Variants in STT3B observed in about 807,000 individuals in gnomAD.
The protein encoded by STT3B is dolichyl-diphosphooligosaccharide--protein glycosyltransferase subunit STT3B.
STT3B carries 29 observed loss-of-function variants against 96.8 expected under a neutral mutation model. That is an observed-to-expected ratio of 0.30 (90% CI 0.22 to 0.41). The LOEUF is 0.41. Ranked by LOEUF, STT3B falls within the 10% of genes least tolerant of loss-of-function variation. STT3B has a pLI of 1.00. For missense variants in STT3B, 640 were observed against 1,022.3 expected (o/e 0.63, Z 5.10); for synonymous variants, 367 against 360.0 (o/e 1.02, Z -0.22).
chr3:31,598,975 G>A (rs1698859174), intron 4 of STT3B, among the ~76,000 whole-genome samples: 1 of 151,736 alleles, frequency 6.6e-6, no homozygotes, highest in Non-Finnish European at 1.5e-5. Context: ...ATGCCTGGCT[G>A]ATTTTTGTAT....
intron 5 of STT3B, among the ~76,000 whole-genome samples, chr3:31,609,129 AG>A (rs1699125293): frequency 6.6e-6 from 1 of 152,150 alleles, no homozygotes; most frequent in Non-Finnish European, 1.5e-5. Flanking sequence ...AAGAAAGAAA[AG>A]GATGTGTTAA....
intron 6 of STT3B, among the ~76,000 whole-genome samples, 192 bp downstream of exon 6, chr3:31,615,395 G>GAA (rs1699283836): frequency 6.6e-6 from 1 of 151,804 alleles, no homozygotes; most frequent in Non-Finnish European, 1.5e-5. Context: ...TGACCCATTG[G>GAA]AAGTCTGTGG....
chr3:31,613,544 A>G (rs1699232398), intron 5 of STT3B, among the ~76,000 whole-genome samples: 1 of 152,020 alleles, frequency 6.6e-6, no homozygotes, highest in African/African-American at 2.4e-5. Flanking sequence ...GGGATCTACA[A>G]ATCTTGTCCA....
intron 5 of STT3B, among the ~76,000 whole-genome samples, chr3:31,607,012 C>A (rs1427644648): frequency 6.6e-6 from 1 of 152,138 alleles, no homozygotes; most frequent in African/African-American, 2.4e-5. Flanking sequence ...GATTTGACTG[C>A]CCTGCTGGAT....
chr3:31,618,158 GT>G (rs1699350718), intron 8 of STT3B, among the ~76,000 whole-genome samples, 170 bp downstream of exon 8: 1 of 152,014 alleles, frequency 6.6e-6, no homozygotes, highest in Non-Finnish European at 1.5e-5. Flanking sequence ...TATGATACCT[GT>G]TCTGAATGCA....
chr3:31,620,082 C>T, intron 9 of STT3B: 1 of 720,982 alleles, frequency 1.4e-6, no homozygotes, highest in Non-Finnish European at 2.0e-6. Flanking sequence ...CGAGACCAGC[C>T]TGGCCAACAT....
chr3:31,623,135 T>A (rs1204649424), intron 10 of STT3B, among the ~76,000 whole-genome samples: 1 of 152,184 alleles, frequency 6.6e-6, no homozygotes, highest in Non-Finnish European at 1.5e-5. Flanking sequence ...TGTGACTTTT[T>A]CTATTCTCTC....
intron 1 of STT3B, among the ~76,000 whole-genome samples, chr3:31,559,918 C>T (rs1559365599): frequency 6.6e-6 from 1 of 152,020 alleles, no homozygotes. Flanking sequence ...CTAGTTGAAT[C>T]CACTTATCAT....
intron 4 of STT3B, among the ~76,000 whole-genome samples, chr3:31,599,421 C>T (rs925434111): frequency 6.6e-6 from 1 of 152,112 alleles, no homozygotes; most frequent in Admixed American, 6.6e-5. Context: ...AGGACTGGCG[C>T]TCCATTAGAA....
intron 5 of STT3B, among the ~76,000 whole-genome samples, chr3:31,610,885 CTG>C: frequency 6.6e-6 from 1 of 152,170 alleles, no homozygotes. Flanking sequence ...ATGCCAGTAA[CTG>C]TGCATCCACA....
At chr3:31,562,883 G>A (rs1432133839) in intron 1 of STT3B, among the ~76,000 whole-genome samples, 1 of 152,214 alleles carries the variant, frequency 6.6e-6, no homozygotes, top group Non-Finnish European at 1.5e-5. Context: ...GTGGGATCCA[G>A]CATGAGCTGT....
chr3:31,603,337 G>A (rs1381320428), intron 5 of STT3B, among the ~76,000 whole-genome samples: 1 of 151,950 alleles, frequency 6.6e-6, no homozygotes, highest in East Asian at 1.9e-4. Flanking sequence ...GGGTGGTAAT[G>A]TGGATGTATA....
chr3:31,554,507 A>G (rs1000907697), intron 1 of STT3B, among the ~76,000 whole-genome samples: 2 of 152,196 alleles, frequency 1.3e-5, no homozygotes, highest in African/African-American at 4.8e-5. Context: ...AACTTGAAAG[A>G]TAAGTGTGTA....
chr3:31,579,654 T>G lies in STT3B; in HGVS notation c.424-155T>G, dbSNP rs9849432. Reference sequence around the variant, plus strand: ...TGTATGCAACACAAAAAGGTGTGGGTTTTTTTTTGTAGTTTATAAAGAAGG... The same window carrying G: ...TGTATGCAACACAAAAAGGTGTGGGGTTTTTTTTGTAGTTTATAAAGAAGG... On this transcript the variant is annotated intron_variant, in intron 2 of 15. Coordinates refer to ENST00000295770, the MANE Select transcript of STT3B (RefSeq NM_178862.3). Among the ~76,000 whole-genome samples, 841 of 151,078 alleles carry G rather than the reference T, an allele frequency of 5.6e-3. 6 individuals are homozygous for G. Among genetic ancestry groups the G allele is most frequent in the East Asian group, 0.016 (82 of 5,176 alleles).
At chr3:31,541,075 T>C (rs529310890) in intron 1 of STT3B, among the ~76,000 whole-genome samples, 3 of 152,384 alleles carry the variant, frequency 2.0e-5, no homozygotes, top group South Asian at 2.1e-4. Flanking sequence ...TGTACAGTTA[T>C]ATTCTTTGAA....
At chr3:31,556,591 A>C (rs1324760316) in intron 1 of STT3B, among the ~76,000 whole-genome samples, 1 of 152,186 alleles carries the variant, frequency 6.6e-6, no homozygotes, top group Non-Finnish European at 1.5e-5. Context: ...TAGCCATTCT[A>C]ACTTGGGTAA....
Position 31,636,334 on chromosome 3 carries a change from A to C in STT3B, c.*270A>C. 1 of 264,514 alleles carries C rather than the reference A, an allele frequency of 3.8e-6. No homozygotes were observed. Among genetic ancestry groups the C allele is most frequent in the Non-Finnish European group, 7.1e-6 (1 of 140,568 alleles). The allele number at this position is 264,514 out of a possible 1,614,324, so 16.4% of individuals were successfully genotyped here. Reference sequence around the variant, plus strand: ...TTTATTGGTACATATTATCCTTCAAATCTGAGAATTTGGACTAACTGCACC... The same window carrying C: ...TTTATTGGTACATATTATCCTTCAACTCTGAGAATTTGGACTAACTGCACC... On this transcript the variant is annotated 3_prime_UTR_variant, in exon 16 of 16. Coordinates refer to ENST00000295770, the MANE Select transcript of STT3B (RefSeq NM_178862.3).
At chr3:31,567,280 C>A (rs938087167) in intron 1 of STT3B, among the ~76,000 whole-genome samples, 26 of 152,166 alleles carry the variant, frequency 1.7e-4, no homozygotes, top group African/African-American at 6.0e-4. Context: ...CTTTACCCTC[C>A]TTTACTACTA....
intron 3 of STT3B, among the ~76,000 whole-genome samples, chr3:31,580,622 AAT>A (rs1575424511): frequency 1.3e-5 from 2 of 152,124 alleles, no homozygotes; most frequent in African/African-American, 4.8e-5. Context: ...TGTGTGTGTC[AAT>A]ATGTTTTTGT....
Sources: gnomAD v4.1 joint callset for allele counts (sites outside exome capture counted in the v4.1 genomes callset) on GRCh38, gnomAD v4.1.1 for gene constraint, MANE v1.5 for transcripts, NCBI Gene and HGNC (gene_info 2026-07-23, HGNC 2026-07-21) for gene names.